GRM5: variants seen among roughly 807,000 people sequenced by gnomAD.
The protein encoded by GRM5 is glutamate metabotropic receptor 5.
A neutral mutation model predicts 83.1 loss-of-function variants in GRM5; 19 were observed. The observed-to-expected ratio is 0.23, with a 90% confidence interval of 0.16 to 0.34. The LOEUF is 0.34. Among genes scored for constraint, GRM5 ranks in the 10% least tolerant of loss-of-function variants. The pLI, the probability that GRM5 is intolerant of heterozygous loss-of-function variation, is 1.00. For synonymous variants in GRM5, 675 were observed against 633.6 expected, an observed-to-expected ratio of 1.07 and a Z score of -0.98; for missense variants, 1,160 against 1,588.3, an observed-to-expected ratio of 0.73 and a Z score of 4.58.
At chr11:88,888,347 A>G (rs1221742877) in intron 2 of GRM5, among the ~76,000 whole-genome samples, 2 of 152,178 alleles carry the variant, frequency 1.3e-5, no homozygotes, top group African/African-American at 4.8e-5. Context: ...TAGGTCTCCT[A>G]TAGTAGGCCA....
intron 2 of GRM5, among the ~76,000 whole-genome samples, chr11:88,978,493 AAAAAAAAAAAAAAAAAAAAAAAAC>A (rs1348914018): frequency 1.1e-4 from 4 of 35,608 alleles, no homozygotes; most frequent in Non-Finnish European, 2.2e-4. Flanking sequence ...AAAAAAAAAA[AAAAAAAAAAAAAAAAAAAAAAAAC>A]CTCATAATGT....
At chr11:88,855,643 C>T (rs577019468) in intron 2 of GRM5, among the ~76,000 whole-genome samples, 1 of 151,972 alleles carries the variant, frequency 6.6e-6, no homozygotes, top group East Asian at 1.9e-4. Flanking sequence ...GGAAACATAG[C>T]TCACTTTAAA....
chr11:88,534,602 G>A (rs1267843286), intron 8 of GRM5, among the ~76,000 whole-genome samples: 1 of 152,200 alleles, frequency 6.6e-6, no homozygotes, highest in East Asian at 1.9e-4. Context: ...TAGGTGGAAA[G>A]GAGTTGCCTT....
chr11:88,560,683 C>T (rs1942734041), intron 8 of GRM5, among the ~76,000 whole-genome samples: 1 of 152,146 alleles, frequency 6.6e-6, no homozygotes, highest in Non-Finnish European at 1.5e-5. Flanking sequence ...CTCTAATCCA[C>T]CTGTCCTTCT....
chr11:89,062,339 G>A (rs1364552275), intron 1 of GRM5, among the ~76,000 whole-genome samples: 1 of 152,202 alleles, frequency 6.6e-6, no homozygotes, highest in East Asian at 1.9e-4. Context: ...GACTTCCACA[G>A]AAAACCCCTG....
At position 89,003,282 on chromosome 11, in the gene GRM5, C is replaced by A. The variant is rs182594302; in HGVS notation, c.661+43930G>T. On this transcript the variant is annotated intron_variant, in intron 2 of 9. Coordinates refer to ENST00000305447, the MANE Select transcript of GRM5 (RefSeq NM_001143831.3). ...TAAAACCGGACGGATAACCGCAGTA[C>A]AATATGGGATATAGTGCCGGGCTTC... Among the ~76,000 whole-genome samples the A allele has an allele frequency of 2.2e-4, 34 of 152,060 alleles. 1 individual carries two copies. The highest frequency in any genetic ancestry group is 6.7e-4 in the African/African-American group (28 of 41,486).
At chr11:88,824,908 T>C (rs1446823112) in intron 3 of GRM5, among the ~76,000 whole-genome samples, 2 of 152,240 alleles carry the variant, frequency 1.3e-5, no homozygotes, top group African/African-American at 2.4e-5. Flanking sequence ...GAGTCATATT[T>C]CATATTGCAT....
At chr11:88,695,035 A>G (rs896557263) in intron 3 of GRM5, among the ~76,000 whole-genome samples, 1 of 152,220 alleles carries the variant, frequency 6.6e-6, no homozygotes, top group African/African-American at 2.4e-5. Context: ...TGACTGATGC[A>G]AGAGAGATAA....
At chr11:88,861,964 T>A (rs899767974) in intron 2 of GRM5, among the ~76,000 whole-genome samples, 1 of 152,170 alleles carries the variant, frequency 6.6e-6, no homozygotes, top group Non-Finnish European at 1.5e-5. Flanking sequence ...AACCTAAGTA[T>A]TTGTTGAATA....
chr11:88,777,349 C>T (rs1942878003), intron 3 of GRM5, among the ~76,000 whole-genome samples: 1 of 152,042 alleles, frequency 6.6e-6, no homozygotes, highest in Non-Finnish European at 1.5e-5. Flanking sequence ...TATCTTTTTT[C>T]AAGGTTTTTA....
rs1937832621 is a variant in GRM5, at chr11:88,597,169, T to G, written c.1563+15A>C. The G allele has an allele frequency of 2.7e-6, 4 of 1,492,312 alleles. No individual in the cohort carries two copies. Among genetic ancestry groups the G allele is most frequent in the Non-Finnish European group, 3.6e-6 (4 of 1,110,232 alleles). The allele number at this position is 1,492,312 out of a possible 1,614,324, so 92.4% of individuals were successfully genotyped here. ...ATTTACAACAAAAATGAAAGAAACA[T>G]AGATTCCATTTTACCTTGATCTGGC... On this transcript the variant is annotated intron_variant, in intron 6 of 9. Coordinates refer to ENST00000305447, the MANE Select transcript of GRM5 (RefSeq NM_001143831.3).
At chr11:88,832,475 T>G (rs1023146349) in intron 3 of GRM5, among the ~76,000 whole-genome samples, 2 of 152,052 alleles carry the variant, frequency 1.3e-5, no homozygotes, top group African/African-American at 4.8e-5. Context: ...AGAACTTAAT[T>G]GAATATGAAG....
At chr11:88,586,281 T>C (rs1316493380) in intron 7 of GRM5, among the ~76,000 whole-genome samples, 1 of 152,230 alleles carries the variant, frequency 6.6e-6, no homozygotes, top group Non-Finnish European at 1.5e-5. Flanking sequence ...TAGACATTAA[T>C]GTCAGTTGAT....
intron 3 of GRM5, among the ~76,000 whole-genome samples, chr11:88,807,304 T>C (rs2135493276): frequency 6.6e-6 from 1 of 152,278 alleles, no homozygotes; most frequent in East Asian, 1.9e-4. Flanking sequence ...AAATGAAGCA[T>C]ATTACTGAAT....
chr11:88,600,402 G>A (rs1341070883), intron 5 of GRM5, among the ~76,000 whole-genome samples: 2 of 149,354 alleles, frequency 1.3e-5, no homozygotes, highest in Admixed American at 1.3e-4. Context: ...TCTCAGCACA[G>A]TGTGTTTGTA....
At chr11:88,862,995 AC>A (rs1355481444) in intron 2 of GRM5, among the ~76,000 whole-genome samples, 1 of 152,234 alleles carries the variant, frequency 6.6e-6, no homozygotes, top group Non-Finnish European at 1.5e-5. Context: ...TATGCAGCCA[AC>A]AAAGATATGA....
intron 4 of GRM5, among the ~76,000 whole-genome samples, chr11:88,648,533 T>C (rs1252868329): frequency 3.3e-5 from 4 of 120,308 alleles, no homozygotes; most frequent in Non-Finnish European, 5.3e-5. Context: ...GGGATAGCAC[T>C]GGGAGATATA....
chr11:88,593,662 G>A (rs962170620), intron 6 of GRM5, among the ~76,000 whole-genome samples: 2 of 143,298 alleles, frequency 1.4e-5, no homozygotes, highest in African/African-American at 5.6e-5. Context: ...TGGAGACAGA[G>A]CAAGACTCCG....
intron 3 of GRM5, among the ~76,000 whole-genome samples, chr11:88,734,957 T>C (rs1407797409): frequency 6.6e-6 from 1 of 152,054 alleles, no homozygotes; most frequent in Admixed American, 6.6e-5. Flanking sequence ...AGTATTTTAA[T>C]TAGATAGTAA....
Sources: allele counts gnomAD v4.1 joint callset (sites outside exome capture counted in the v4.1 genomes callset), GRCh38; gene constraint gnomAD v4.1.1; transcripts MANE v1.5; gene names NCBI Gene and HGNC (gene_info 2026-07-23, HGNC 2026-07-21).